The following DOT1L variants were observed in gnomAD, a reference collection of about 807,000 sequenced individuals.
The protein encoded by DOT1L is histone-lysine N-methyltransferase, H3 lysine-79 specific.
DOT1L carries 33 observed loss-of-function variants against 153.3 expected under a neutral mutation model. That is an observed-to-expected ratio of 0.22 (90% CI 0.16 to 0.29). The LOEUF is 0.29. Ranked by LOEUF, DOT1L falls within the 10% of genes least tolerant of loss-of-function variation. DOT1L has a pLI of 1.00. For synonymous variants in DOT1L, 1,135 were observed against 965.1 expected (o/e 1.18, Z -3.26); for missense variants, 1,847 against 2,119.9 (o/e 0.87, Z 2.53).
At chr19:2,185,491 A>G (rs950495222) in intron 2 of DOT1L, among the ~76,000 whole-genome samples, 1 of 152,056 alleles carries the variant, frequency 6.6e-6, no homozygotes, top group East Asian at 1.9e-4. Flanking sequence ...GCGGGGTAAT[A>G]CTCAAGATTG....
intron 1 of DOT1L, among the ~76,000 whole-genome samples, chr19:2,167,085 C>T (rs981259269): frequency 2.6e-5 from 4 of 152,148 alleles, no homozygotes; most frequent in Non-Finnish European, 5.9e-5. Flanking sequence ...AGATTGTTGA[C>T]GTGTTTGCCT....
chr19:2,199,032 G>A (rs779413003), intron 7 of DOT1L, among the ~76,000 whole-genome samples: 6 of 152,192 alleles, frequency 3.9e-5, no homozygotes, highest in East Asian at 1.9e-4. Context: ...ATTTGTGTCC[G>A]GGCTTTTGTG....
In DOT1L at chr19:2,226,311, A is replaced by G; in HGVS notation, c.3790A>G (p.Ser1264Gly). The change falls in exon 27 of 28, where the codon AGC becomes GGC. Residue 1264 changes from serine (S) to glycine (G), a missense_variant. Ser to Gly is a moderately conservative substitution (Grantham distance 56). Transcript: ENST00000398665. ...GTCGGCGGACAGCCCGCTGCAGGCC[A>G]GCTCCGCCCTCAGCCAGAACTCCCT... ...AKSADSPLQA[S>G]SALSQNSLFT... The G allele has an allele frequency of 1.3e-6, 2 of 1,598,128 alleles. No homozygotes were observed. The highest frequency in any genetic ancestry group is 1.7e-6 in the Non-Finnish European group (2 of 1,173,866).
intron 18 of DOT1L, 106 bp from the exon 19 acceptor site, chr19:2,214,365 C>T: frequency 6.6e-7 from 1 of 1,520,756 alleles, no homozygotes; most frequent in African/African-American, 1.4e-5. Context: ...GCCCTAAGCA[C>T]ACATGCTGTT....
chr19:2,183,208 C>T (rs2022325359), intron 2 of DOT1L, among the ~76,000 whole-genome samples: 1 of 152,194 alleles, frequency 6.6e-6, no homozygotes, highest in South Asian at 2.1e-4. Flanking sequence ...TCTGGCTCTG[C>T]TGCTCAGGCT....
chr19:2,218,036 A>C, intron 22 of DOT1L, 118 bp downstream of exon 22: 1 of 1,424,302 alleles, frequency 7.0e-7, no homozygotes. Flanking sequence ...GCGTGAGGCA[A>C]TGCAGTCAAG....
At chr19:2,175,707 A>G (rs752795531) in intron 1 of DOT1L, among the ~76,000 whole-genome samples, 2 of 152,096 alleles carry the variant, frequency 1.3e-5, no homozygotes, top group African/African-American at 2.4e-5. Flanking sequence ...GCTGACGCCT[A>G]TAATCCCAGC....
chr19:2,180,961 C>A (rs1265645710), intron 2 of DOT1L, among the ~76,000 whole-genome samples: 2 of 152,186 alleles, frequency 1.3e-5, no homozygotes, highest in South Asian at 4.1e-4. Flanking sequence ...AAGTCTTGAG[C>A]TGCTGGGGTG....
At chr19:2,164,340 C>T (rs1306182254) in intron 1 of DOT1L, 75 bp downstream of exon 1, 63 of 1,084,136 alleles carry the variant, frequency 5.8e-5, no homozygotes, top group Non-Finnish European at 7.1e-5. Context: ...CCCAAACCCC[C>T]CCAAGCCGCG....
chr19:2,211,293 C>T (rs1474117092), intron 15 of DOT1L, 81 bp downstream of exon 15: 9 of 1,262,336 alleles, frequency 7.1e-6, no homozygotes, highest in Admixed American at 4.5e-5. Flanking sequence ...ACGCTGACCT[C>T]GCAGCAGCCC....
chr19:2,230,337 G>C lies in DOT1L; in HGVS notation c.*545G>C. On this transcript the variant is annotated 3_prime_UTR_variant, in exon 28 of 28. Transcript: ENST00000398665. ...CCTCGGAGGCCTCCCCGCGGCCTGA[G>C]CCCCTTCCTGAGCGCCCTGGCGCCT... 1 of 414,334 alleles carries C rather than the reference G, an allele frequency of 2.4e-6. No individual in the cohort carries two copies. Among genetic ancestry groups the C allele is most frequent in the East Asian group, 3.5e-5 (1 of 28,302 alleles). 25.7% of individuals were successfully genotyped at this position (414,334 alleles called of 1,614,324 possible). A position where few individuals can be genotyped will look rare whatever the true frequency, so the allele number is the denominator to read the frequency against.
rs1364153779 is a variant in DOT1L at position 2,190,515 on chromosome 19, C to T, written c.265-497C>T. Among the ~76,000 whole-genome samples the T allele has an allele frequency of 2.6e-5, 4 of 152,126 alleles. No homozygotes were observed. In the East Asian group the frequency reaches 7.7e-4, roughly 29 times the overall value. ...CTCATGCATGCAGCTCTGTGGGCCC[C>T]TGAGAGCTGAGCTGGCCTGGGCGAG... On this transcript the variant is annotated intron_variant, in intron 4 of 27. Coordinates refer to ENST00000398665, the MANE Select transcript of DOT1L (RefSeq NM_032482.3). This position sits in a 1 kb window ranked among gnomAD's most constrained non-coding sequence, Gnocchi z 4.8.
chr19:2,189,886 G>A (rs1304027260), intron 4 of DOT1L, 91 bp downstream of exon 4: 4 of 1,409,060 alleles, frequency 2.8e-6, no homozygotes, highest in Non-Finnish European at 4.0e-6. Context: ...GGGGCACAGA[G>A]CTCCCCTTAG....
intron 22 of DOT1L, among the ~76,000 whole-genome samples, chr19:2,219,905 G>A (rs912502881): frequency 1.3e-5 from 2 of 152,108 alleles, no homozygotes; most frequent in African/African-American, 4.8e-5. Context: ...CCATTCACAC[G>A]CAGGCACCGC....
intron 25 of DOT1L, among the ~76,000 whole-genome samples, chr19:2,224,709 C>CTGCCTCCCAG (rs994990485): frequency 2.0e-5 from 3 of 152,180 alleles, no homozygotes; most frequent in African/African-American, 7.2e-5. Flanking sequence ...CTCAAGCCTT[C>CTGCCTCCCAG]TGCCTCCCAG....
chr19:2,201,375 A>C (rs183488981), intron 8 of DOT1L, among the ~76,000 whole-genome samples: 3 of 151,108 alleles, frequency 2.0e-5, no homozygotes, highest in Non-Finnish European at 3.0e-5. Flanking sequence ...TTCTCCCTGC[A>C]TTCCTCATCC....
intron 1 of DOT1L, among the ~76,000 whole-genome samples, chr19:2,177,371 A>C (rs1430954831): frequency 1.3e-5 from 2 of 151,682 alleles, no homozygotes; most frequent in Non-Finnish European, 2.9e-5. Flanking sequence ...ATCTCGGCTC[A>C]CTGTAACCTC....
chr19:2,185,947 C>T lies in DOT1L; in HGVS notation c.200+18C>T, dbSNP rs1201697305. 1.9e-6 allele frequency: 3 copies of T among 1,612,602 alleles called. No individual in the cohort carries two copies. The highest frequency in any genetic ancestry group is 1.3e-5 in the African/African-American group (1 of 75,008). On this transcript the variant is annotated intron_variant, in intron 3 of 27. Transcript: ENST00000398665. ...ACCAAAAGGTAAGCAGAGTCCTGTC[C>T]AGCCGCTCCGCTCCGAGGACAGACT...
chr19:2,165,265 C>G (rs1013018261), intron 1 of DOT1L, among the ~76,000 whole-genome samples: 2 of 100,228 alleles, frequency 2.0e-5, no homozygotes, highest in African/African-American at 4.1e-5. Context: ...CGGGCATCCC[C>G]GCGCGCCCTG....
Sources: gnomAD v4.1 joint callset for allele counts (sites outside exome capture counted in the v4.1 genomes callset) on GRCh38, gnomAD v4.1.1 for gene constraint, Gnocchi (gnomAD v3.1) non-coding constraint, MANE v1.5 for transcripts, NCBI Gene and HGNC (gene_info 2026-07-23, HGNC 2026-07-21) for gene names.